SMPD3: variants seen among roughly 807,000 people sequenced by gnomAD.
The protein encoded by SMPD3 is nSMase-2.
Under a neutral mutation model 55.7 loss-of-function variants are expected in SMPD3, and 21 were observed. That is an observed-to-expected ratio of 0.38 (90% CI 0.27 to 0.54). SMPD3 has a LOEUF of 0.54. Among genes scored for constraint, SMPD3 ranks in the 20% least tolerant of loss-of-function variants. The pLI is 0.80. For missense variants in SMPD3, 842 were observed against 899.6 expected (o/e 0.94, Z 0.82); for synonymous variants, 457 against 404.3 (o/e 1.13, Z -1.56).
chr16:68,366,563 C>T (rs2089485003), intron 3 of SMPD3, among the ~76,000 whole-genome samples: 1 of 152,254 alleles, frequency 6.6e-6, no homozygotes, highest in South Asian at 2.1e-4. Context: ...ATGAAGCCGC[C>T]ATGCTCAAAA....
At chr16:68,374,279 C>A (rs1464753381) in intron 2 of SMPD3, among the ~76,000 whole-genome samples, 1 of 152,266 alleles carries the variant, frequency 6.6e-6, no homozygotes, top group African/African-American at 2.4e-5. Context: ...GGCCCCAGGG[C>A]AAGTCTGCAG....
At chr16:68,420,501 G>A (rs1242847875) in intron 1 of SMPD3, among the ~76,000 whole-genome samples, 1 of 152,188 alleles carries the variant, frequency 6.6e-6, no homozygotes, top group Non-Finnish European at 1.5e-5. Flanking sequence ...ACCATTACCT[G>A]ACAGTCCTCC....
chr16:68,415,437 G>C (rs927470023), intron 1 of SMPD3, among the ~76,000 whole-genome samples: 2 of 152,240 alleles, frequency 1.3e-5, no homozygotes, highest in African/African-American at 4.8e-5. Flanking sequence ...TCTAGCTGCA[G>C]TTTGAGCCAA....
At chr16:68,442,941 G>A (rs2152035915) in intron 1 of SMPD3, among the ~76,000 whole-genome samples, 1 of 152,304 alleles carries the variant, frequency 6.6e-6, no homozygotes, top group Non-Finnish European at 1.5e-5. Context: ...GCTTGGAAGG[G>A]GAAGGAATCA....
intron 1 of SMPD3, among the ~76,000 whole-genome samples, chr16:68,422,084 A>G (rs2090399523): frequency 1.3e-5 from 2 of 152,248 alleles, no homozygotes; most frequent in African/African-American, 4.8e-5. Flanking sequence ...CAAGGAGCCA[A>G]GGAATATAGG....
intron 3 of SMPD3, 81 bp from the exon 4 acceptor site, chr16:68,365,173 C>T: frequency 7.1e-7 from 1 of 1,418,260 alleles, no homozygotes; most frequent in Non-Finnish European, 9.9e-7. Flanking sequence ...TGCCCACCCA[C>T]CCATGAGGTC....
intron 1 of SMPD3, among the ~76,000 whole-genome samples, chr16:68,436,647 C>T (rs954159090): frequency 6.6e-6 from 1 of 152,156 alleles, no homozygotes; most frequent in African/African-American, 2.4e-5. Context: ...TGTGCAATCC[C>T]ATTATAATAA....
At chr16:68,393,330 G>A (rs1459697589) in intron 1 of SMPD3, among the ~76,000 whole-genome samples, 1 of 152,162 alleles carries the variant, frequency 6.6e-6, no homozygotes, top group Non-Finnish European at 1.5e-5. Context: ...CTTGAACCCA[G>A]GAGGTCAATG....
Position 68,434,858 on chromosome 16 carries a change from C to T in SMPD3, c.-269+13495G>A, listed in dbSNP as rs566294103. On this transcript the variant is annotated intron_variant, in intron 1 of 8. Transcript: ENST00000219334. Reference sequence around the variant, plus strand: ...CCCTTCTCATCTCCTTTGGTGGAGGCGACATCCTCTGCAGAGTGGTTTTAA... The same window carrying T: ...CCCTTCTCATCTCCTTTGGTGGAGGTGACATCCTCTGCAGAGTGGTTTTAA... Among the ~76,000 whole-genome samples the T allele has an allele frequency of 5.3e-5, 8 of 152,282 alleles. No individual in the cohort carries two copies. The East Asian group carries it at 1.5e-3, about 29-fold the overall frequency.
At chr16:68,399,017 C>T (rs571057395) in intron 1 of SMPD3, among the ~76,000 whole-genome samples, 3 of 152,328 alleles carry the variant, frequency 2.0e-5, no homozygotes, top group African/African-American at 7.2e-5. Flanking sequence ...GATAAACAGT[C>T]CCTCTGTTGA....
intron 2 of SMPD3, among the ~76,000 whole-genome samples, chr16:68,372,700 G>T (rs1408964713): frequency 6.6e-6 from 1 of 152,250 alleles, no homozygotes; most frequent in Non-Finnish European, 1.5e-5. Context: ...ATTTGTGGGT[G>T]CAAAGGGAGC....
At chr16:68,382,916 A>T (rs1279263554) in intron 2 of SMPD3, among the ~76,000 whole-genome samples, 1 of 152,168 alleles carries the variant, frequency 6.6e-6, no homozygotes, top group African/African-American at 2.4e-5. Flanking sequence ...ATCTCTGCTC[A>T]CTGCAACCTC....
intron 1 of SMPD3, among the ~76,000 whole-genome samples, chr16:68,435,404 T>G (rs1397507857): frequency 1.3e-5 from 2 of 152,378 alleles, no homozygotes; most frequent in East Asian, 1.9e-4. Context: ...GGTATTGCTC[T>G]AATATATTGC....
intron 1 of SMPD3, among the ~76,000 whole-genome samples, chr16:68,389,550 T>G (rs183507169): frequency 2.2e-4 from 33 of 152,268 alleles, no homozygotes; most frequent in Admixed American, 7.2e-4. Context: ...GGTCCAGAAA[T>G]AATGTTTGCA....
intron 1 of SMPD3, among the ~76,000 whole-genome samples, chr16:68,405,634 T>G (rs1174598547): frequency 6.6e-6 from 1 of 151,004 alleles, no homozygotes; most frequent in African/African-American, 2.4e-5. Context: ...GCCCCCATCA[T>G]GGGCCTCACT....
chr16:68,399,720 G>T (rs1458918190), intron 1 of SMPD3, among the ~76,000 whole-genome samples: 3 of 152,356 alleles, frequency 2.0e-5, no homozygotes, highest in South Asian at 4.1e-4. Context: ...ATCAGCTGCT[G>T]CTCGCCTGGA....
At chr16:68,376,351 G>C (rs552923948) in intron 2 of SMPD3, among the ~76,000 whole-genome samples, 35 of 152,194 alleles carry the variant, frequency 2.3e-4, no homozygotes, top group Non-Finnish European at 3.5e-4. Flanking sequence ...CCATTGAGTG[G>C]GCCCAGGCCA....
chr16:68,428,173 C>T (rs2090451545), intron 1 of SMPD3, among the ~76,000 whole-genome samples: 3 of 152,186 alleles, frequency 2.0e-5, no homozygotes. Context: ...CACTTGACTT[C>T]ACTTAGAGAG....
intron 1 of SMPD3, among the ~76,000 whole-genome samples, chr16:68,419,338 T>C (rs1022476895): frequency 1.3e-5 from 2 of 152,224 alleles, no homozygotes; most frequent in African/African-American, 4.8e-5. Flanking sequence ...TTAACAAGAC[T>C]GAGGATTTTG....
Sources: allele counts gnomAD v4.1 joint callset (sites outside exome capture counted in the v4.1 genomes callset), GRCh38; gene constraint gnomAD v4.1.1; transcripts MANE v1.5; gene names NCBI Gene and HGNC (gene_info 2026-07-23, HGNC 2026-07-21).